QNG1: variants seen among roughly 807,000 people sequenced by gnomAD.
The protein encoded by QNG1 is queuosine 5'-phosphate N-glycosylase/hydrolase.
chr9:83,956,215 A>T, the QNG1 span: 2 of 1,613,736 alleles, frequency 1.2e-6, no homozygotes, highest in Non-Finnish European at 1.7e-6. Context: ...TACCCACTGT[A>T]TGTTTTCCCT....
At chr9:83,943,632 A>C in the QNG1 span, among the ~76,000 whole-genome samples, 2 of 152,338 alleles carry the variant, frequency 1.3e-5, no homozygotes, top group Non-Finnish European at 2.9e-5. Flanking sequence ...AACCATAGGA[A>C]TAATGGTACC....
chr9:83,948,514 G>T, the QNG1 span, among the ~76,000 whole-genome samples: 250 of 148,458 alleles, frequency 1.7e-3, no homozygotes, highest in Middle Eastern at 3.9e-3. Flanking sequence ...TGTCCGGGAG[G>T]GGGGGGGCGC....
At chr9:83,938,396 T>A in the QNG1 span, 2 of 152,180 alleles carry the variant, frequency 1.3e-5, no homozygotes, top group African/African-American at 2.4e-5. Flanking sequence ...AAATTGAAAA[T>A]CATGATGTAC....
chr9:83,956,342 A>G, the QNG1 span: 1 of 1,612,920 alleles, frequency 6.2e-7, no homozygotes, highest in African/African-American at 1.3e-5. Context: ...GGTTCAGCTC[A>G]TGAAGGGCTT....
chr9:83,953,638 G>A, the QNG1 span: 24 of 593,406 alleles, frequency 4.0e-5, no homozygotes, highest in South Asian at 2.9e-4. Flanking sequence ...GAGCCACCAC[G>A]CCAAGCCAAT....
At chr9:83,945,086 G>T in the QNG1 span, 146 of 957,794 alleles carry the variant, frequency 1.5e-4, no homozygotes, top group Non-Finnish European at 2.0e-4. Flanking sequence ...TTAAAAGGCA[G>T]AATAATCTTA....
At chr9:83,953,761 G>A in the QNG1 span, 1 of 1,536,026 alleles carries the variant, frequency 6.5e-7, no homozygotes, top group Non-Finnish European at 8.8e-7. Flanking sequence ...AGGTTCAAAA[G>A]ATTCCAAAAG....
chr9:83,952,183 C>T, the QNG1 span, among the ~76,000 whole-genome samples: 5 of 151,744 alleles, frequency 3.3e-5, no homozygotes, highest in African/African-American at 1.2e-4. Flanking sequence ...TGGAGTCTCA[C>T]GTGTTGTCCA....
At chr9:83,956,028 A>G in the QNG1 span, 4 of 771,250 alleles carry the variant, frequency 5.2e-6, no homozygotes, top group Non-Finnish European at 8.4e-6. Context: ...TTTTAAGCAT[A>G]AGGACTTGCA....
At chr9:83,944,245 G>GT in the QNG1 span, among the ~76,000 whole-genome samples, 1 of 152,190 alleles carries the variant, frequency 6.6e-6, no homozygotes, top group African/African-American at 2.4e-5. Flanking sequence ...ACAAGGAAAT[G>GT]TTATAAGCTA....
At chr9:83,944,307 G>T in the QNG1 span, among the ~76,000 whole-genome samples, 11 of 152,036 alleles carry the variant, frequency 7.2e-5, no homozygotes, top group South Asian at 2.1e-4. Flanking sequence ...ATATCATAAG[G>T]CTCCTAGTCT....
chr9:83,948,537 G>A, the QNG1 span, among the ~76,000 whole-genome samples: 31 of 149,972 alleles, frequency 2.1e-4, no homozygotes, highest in Non-Finnish European at 2.8e-4. Flanking sequence ...CTGCCTGGCC[G>A]CCCCGTCTGG....
the QNG1 span, among the ~76,000 whole-genome samples, chr9:83,941,576 G>A: frequency 6.6e-6 from 1 of 152,122 alleles, no homozygotes; most frequent in Non-Finnish European, 1.5e-5. Flanking sequence ...TGGTGACAGA[G>A]TAAGACCCTG....
At chr9:83,955,835 T>C in the QNG1 span, among the ~76,000 whole-genome samples, 1 of 152,230 alleles carries the variant, frequency 6.6e-6, no homozygotes. Context: ...TTTCTAACTA[T>C]TGCAATATTA....
At chr9:83,955,887 C>T in the QNG1 span, among the ~76,000 whole-genome samples, 1 of 152,056 alleles carries the variant, frequency 6.6e-6, no homozygotes, top group Admixed American at 6.6e-5. Flanking sequence ...AACATCGGTC[C>T]TTTTGTTCTT....
At chr9:83,955,699 C>T in the QNG1 span, 1 of 1,500,412 alleles carries the variant, frequency 6.7e-7, no homozygotes, top group Non-Finnish European at 9.1e-7. Context: ...GCATTAAACC[C>T]TTGCTTTTAC....
At chr9:83,947,583 G>A in the QNG1 span, among the ~76,000 whole-genome samples, 3 of 152,234 alleles carry the variant, frequency 2.0e-5, no homozygotes, top group Non-Finnish European at 4.4e-5. Flanking sequence ...GGACCGTACT[G>A]CCGCCATCTC....
chr9:83,947,254 ATAT>A, the QNG1 span, among the ~76,000 whole-genome samples: 1 of 152,202 alleles, frequency 6.6e-6, no homozygotes, highest in Non-Finnish European at 1.5e-5. Context: ...TTGGAGGAGA[ATAT>A]TTTAACTTGT....
the QNG1 span, among the ~76,000 whole-genome samples, chr9:83,952,873 C>G: frequency 6.7e-6 from 1 of 149,692 alleles, no homozygotes; most frequent in African/African-American, 2.5e-5. Flanking sequence ...AGGCAGAGAA[C>G]CGCTTGAACC....
Sources: gnomAD v4.1 joint callset for allele counts (sites outside exome capture counted in the v4.1 genomes callset) on GRCh38, gnomAD v4.1.1 for gene constraint, MANE v1.5 for transcripts, NCBI Gene and HGNC (gene_info 2026-07-23, HGNC 2026-07-21) for gene names.